The following PRKAR1A variants were observed in gnomAD, a reference collection of about 807,000 sequenced individuals.
PRKAR1A encodes the protein protein kinase cAMP-dependent type I regulatory subunit alpha, also known as cAMP-dependent protein kinase type I-alpha regulatory subunit.
PRKAR1A carries 3 observed loss-of-function variants against 52.0 expected under a neutral mutation model. The ratio of observed to expected loss-of-function variants is 0.06; its 90% CI spans 0.03 to 0.15. PRKAR1A has a LOEUF of 0.15. Among genes scored for constraint, PRKAR1A ranks in the 10% least tolerant of loss-of-function variants. The pLI, the probability that PRKAR1A is intolerant of heterozygous loss-of-function variation, is 1.00. For synonymous variants in PRKAR1A, 188 were observed against 168.4 expected, an observed-to-expected ratio of 1.12 and a Z score of -0.90; for missense variants, 240 against 477.4, an observed-to-expected ratio of 0.50 and a Z score of 4.63.
the PRKAR1A span, among the ~76,000 whole-genome samples, chr17:68,451,729 C>G: frequency 5.3e-5 from 8 of 152,190 alleles, no homozygotes; most frequent in Non-Finnish European, 1.0e-4. Flanking sequence ...CCCCCCACCC[C>G]CTATCTTGCT....
At chr17:68,511,448 T>G (rs62087486), upstream of PRKAR1A, among the ~76,000 whole-genome samples, 703 of 152,356 alleles carry the variant, frequency 4.6e-3, 2 homozygotes, top group Non-Finnish European at 7.4e-3. Flanking sequence ...TCCCCATTAG[T>G]GCAGCTTGTC....
the PRKAR1A span, among the ~76,000 whole-genome samples, chr17:68,438,486 G>A: frequency 6.6e-6 from 1 of 152,314 alleles, no homozygotes; most frequent in Admixed American, 6.5e-5. Context: ...CCAAAGAGGC[G>A]GCTGGCAGAA....
Position 68,524,098 on chromosome 17 carries a change from C to T in PRKAR1A, c.502+21C>T, listed in dbSNP as rs2085706327. On this transcript the variant is annotated intron_variant, in intron 5 of 10. Transcript: ENST00000589228. The stretch of plus-strand genomic sequence containing the variant: ...GCAAGGTAAGGGCCTCTGGAGCATG[C>T]AATATTGTTACGGGAGAGGAGGCGA... The T allele has an allele frequency of 2.5e-6, 4 of 1,612,266 alleles. No homozygotes were observed. In the South Asian group the frequency reaches 4.4e-5, roughly 18 times the overall value.
upstream of PRKAR1A, among the ~76,000 whole-genome samples, chr17:68,507,802 G>A (rs531570033): frequency 6.6e-6 from 1 of 152,118 alleles, no homozygotes; most frequent in South Asian, 2.1e-4. Flanking sequence ...AAACAGCTTA[G>A]GCCTAGGAGA....
the PRKAR1A span, among the ~76,000 whole-genome samples, chr17:68,424,971 T>C: frequency 2.7e-4 from 41 of 152,348 alleles, no homozygotes; most frequent in African/African-American, 9.6e-4. Flanking sequence ...GAGCGGTCTA[T>C]ATGTTACTCC....
chr17:68,537,760 A>T (rs781268933), downstream of PRKAR1A: 1 of 1,603,042 alleles, frequency 6.2e-7, no homozygotes, highest in Non-Finnish European at 8.5e-7. This position sits in a 1 kb window ranked among gnomAD's most constrained non-coding sequence, Gnocchi z 4.2. Flanking sequence ...ACAAAGTTAC[A>T]GGAACCAAAT....
the PRKAR1A span, among the ~76,000 whole-genome samples, chr17:68,438,403 G>T: frequency 6.6e-6 from 1 of 152,322 alleles, no homozygotes; most frequent in East Asian, 1.9e-4. Context: ...TAGGCAGGCA[G>T]AAGGGATTCT....
chr17:68,463,721 T>C, the PRKAR1A span, among the ~76,000 whole-genome samples: 2 of 152,070 alleles, frequency 1.3e-5, no homozygotes, highest in East Asian at 3.8e-4. Flanking sequence ...TATGCAGTCA[T>C]ATGGGAAAAA....
chr17:68,444,488 C>T, the PRKAR1A span: 1 of 1,610,588 alleles, frequency 6.2e-7, no homozygotes, highest in Non-Finnish European at 8.5e-7. Flanking sequence ...ATTTTTGGAG[C>T]TCACCTGTTG....
chr17:68,437,010 A>ATGTGTGTGTT, the PRKAR1A span, among the ~76,000 whole-genome samples: 1 of 77,910 alleles, frequency 1.3e-5, no homozygotes, highest in Non-Finnish European at 2.7e-5. Flanking sequence ...AAAAAAATAT[A>ATGTGTGTGTT]TATATATGTG....
Position 68,530,379 on chromosome 17 carries a change from T to G in PRKAR1A, c.1076T>G (p.Leu359Arg). The change falls in exon 11 of 11, where the codon CTT (leucine) becomes CGT (arginine). Residue 359 changes from leucine to arginine, a missense_variant. Physicochemically the swap from Leu to Arg is moderately radical, Grantham distance 102. This residue lies in a region of PRKAR1A where 26 missense variants were observed against 53.6 expected (regional missense o/e 0.48). Coordinates refer to ENST00000589228, the MANE Select transcript of PRKAR1A (RefSeq NM_002734.5). ...KLDRPRFERV[L>R]GPCSDILKRN... Reference sequence around the variant, plus strand: ...GACCGACCTAGATTTGAACGTGTTCTTGGCCCATGCTCAGACATCCTCAAA... The same window carrying G: ...GACCGACCTAGATTTGAACGTGTTCGTGGCCCATGCTCAGACATCCTCAAA... The G allele has an allele frequency of 6.2e-7, 1 of 1,614,188 alleles. No individual in the cohort carries two copies. The highest frequency in any genetic ancestry group is 8.5e-7 in the Non-Finnish European group (1 of 1,179,998).
At chr17:68,429,519 C>G in the PRKAR1A span, among the ~76,000 whole-genome samples, 1 of 152,208 alleles carries the variant, frequency 6.6e-6, no homozygotes, top group Non-Finnish European at 1.5e-5. Flanking sequence ...TGGCTGCCCC[C>G]TGAGAATCCG....
the PRKAR1A span, among the ~76,000 whole-genome samples, chr17:68,418,301 A>C: frequency 6.6e-6 from 1 of 152,224 alleles, no homozygotes; most frequent in African/African-American, 2.4e-5. Context: ...CGAGTCTTTC[A>C]GATTTTTCCC....
the PRKAR1A span, among the ~76,000 whole-genome samples, chr17:68,465,030 A>G: frequency 3.3e-5 from 5 of 149,804 alleles, no homozygotes; most frequent in African/African-American, 9.8e-5. Context: ...GGTTCACACC[A>G]TTCTCCTGCC....
At chr17:68,548,733 T>C (rs555227664) in intron 11 of PRKAR1A, among the ~76,000 whole-genome samples, 1,735 of 139,764 alleles carry the variant, frequency 0.012, 21 homozygotes, top group Middle Eastern at 0.035. Context: ...ATATTTTTTT[T>C]TTTTTTTTTT....
chr17:68,483,736 C>T, the PRKAR1A span, among the ~76,000 whole-genome samples: 8 of 151,962 alleles, frequency 5.3e-5, no homozygotes, highest in Non-Finnish European at 1.0e-4. Flanking sequence ...TGGCGCATGC[C>T]TGTAATCCCA....
At chr17:68,537,415 C>T (rs777716015), downstream of PRKAR1A, 76 of 1,605,092 alleles carry the variant, frequency 4.7e-5, no homozygotes, top group South Asian at 5.7e-4. The surrounding 1 kb of genome is among the most constrained non-coding windows in gnomAD (Gnocchi z 4.2). Context: ...GACGCAGGGT[C>T]GGCACTCGAG....
chr17:68,446,028 G>C, the PRKAR1A span, among the ~76,000 whole-genome samples: 1 of 152,162 alleles, frequency 6.6e-6, no homozygotes, highest in Non-Finnish European at 1.5e-5. Context: ...ACATCAGCTA[G>C]AAGGGAAGGT....
downstream of PRKAR1A, chr17:68,536,918 A>G: frequency 2.2e-6 from 1 of 454,202 alleles, no homozygotes. Context: ...AGGACCGGGC[A>G]GTAGGGATTA....
Sources: allele counts gnomAD v4.1 joint callset (sites outside exome capture counted in the v4.1 genomes callset), GRCh38; gene constraint gnomAD v4.1.1; regional missense constraint gnomAD v4.1.1; non-coding constraint Gnocchi (gnomAD v3.1); transcripts MANE v1.5; gene names NCBI Gene and HGNC (gene_info 2026-07-23, HGNC 2026-07-21).